Variants in KIAA0319 observed in about 807,000 individuals in gnomAD.
KIAA0319 encodes KIAA0319, also known as dyslexia-associated protein KIAA0319.
Under a neutral mutation model 108.4 loss-of-function variants are expected in KIAA0319, and 83 were observed. The ratio of observed to expected loss-of-function variants is 0.77; its 90% CI spans 0.64 to 0.92. The LOEUF (loss-of-function observed/expected upper bound fraction) is 0.92. Ranked by LOEUF, KIAA0319 falls within the 40% of genes least tolerant of loss-of-function variation. The pLI, the probability that KIAA0319 is intolerant of heterozygous loss-of-function variation, is 0.00. For missense variants in KIAA0319, 1,195 were observed against 1,322.4 expected, an observed-to-expected ratio of 0.90 and a Z score of 1.49; for synonymous variants, 484 against 510.4, an observed-to-expected ratio of 0.95 and a Z score of 0.70.
chr6:24,621,561 CAA>C (rs1424600622), intron 1 of KIAA0319, among the ~76,000 whole-genome samples: 1 of 152,110 alleles, frequency 6.6e-6, no homozygotes, highest in Non-Finnish European at 1.5e-5. Flanking sequence ...CTTTCTAGTT[CAA>C]TATGGCAGAT....
Position 24,601,193 on chromosome 6 carries a change from G to C in KIAA0319, c.-90C>G. 1 of 1,562,998 alleles carries C rather than the reference G, an allele frequency of 6.4e-7. No individual in the cohort carries two copies. The stretch of plus-strand genomic sequence containing the variant: ...TTCCTTTGATGTTTTTTAGGAGCCA[G>C]ATTTGGCCTCAAGAACTTCAAAGGA... On this transcript the variant is annotated 5_prime_UTR_variant, in exon 2 of 21. In the 5' UTR this introduces an upstream ATG that the reference lacks. Transcript: ENST00000378214.
At chr6:24,611,413 C>T (rs568332559) in intron 1 of KIAA0319, among the ~76,000 whole-genome samples, 5 of 152,106 alleles carry the variant, frequency 3.3e-5, no homozygotes, top group Admixed American at 6.5e-5. Flanking sequence ...GGATGAGAAT[C>T]GCCTGAATCC....
chr6:24,599,382 C>A lies in KIAA0319; in HGVS notation c.55+1667G>T. The A allele has an allele frequency of 1.8e-6, 1 of 544,564 alleles. No individual in the cohort carries two copies. Among genetic ancestry groups the A allele is most frequent in the South Asian group, 1.6e-5 (1 of 62,470 alleles). The allele number at this position is 544,564 out of a possible 1,614,324, so 33.7% of individuals were successfully genotyped here. On this transcript the variant is annotated intron_variant, in intron 2 of 20. Coordinates refer to ENST00000378214, the MANE Select transcript of KIAA0319 (RefSeq NM_014809.4). This position sits in a 1 kb window ranked among gnomAD's most constrained non-coding sequence, Gnocchi z 4.1. ...TGTGGATGCGGAGAAGCGTGGGGAGCTGGCCATTAAGGATGCCAATGCCAA... is the reference window on the plus strand; with the variant it reads ...TGTGGATGCGGAGAAGCGTGGGGAGATGGCCATTAAGGATGCCAATGCCAA...
At chr6:24,594,823 T>C (rs926344371) in intron 3 of KIAA0319, among the ~76,000 whole-genome samples, 2 of 152,284 alleles carry the variant, frequency 1.3e-5, no homozygotes, top group Admixed American at 1.3e-4. Flanking sequence ...GCTTTTTTTT[T>C]ACTTTATTTC....
At chr6:24,625,121 GT>G (rs960261544) in intron 1 of KIAA0319, among the ~76,000 whole-genome samples, 1 of 151,954 alleles carries the variant, frequency 6.6e-6, no homozygotes, top group Admixed American at 6.6e-5. Flanking sequence ...CATAACTTCT[GT>G]TTTTTTTATT....
chr6:24,624,441 A>T (rs191200781), intron 1 of KIAA0319, among the ~76,000 whole-genome samples: 56 of 152,286 alleles, frequency 3.7e-4, no homozygotes, highest in African/African-American at 1.3e-3. Context: ...GCATACAAAT[A>T]AAAATTTTTT....
chr6:24,569,703 T>C (rs1764401358), intron 12 of KIAA0319, among the ~76,000 whole-genome samples, 200 bp downstream of exon 12: 1 of 152,170 alleles, frequency 6.6e-6, no homozygotes, highest in Non-Finnish European at 1.5e-5. Context: ...CCCCAAGCTC[T>C]ACCTCCCTCC....
At chr6:24,629,407 T>A (rs1775190677) in intron 1 of KIAA0319, among the ~76,000 whole-genome samples, 1 of 148,612 alleles carries the variant, frequency 6.7e-6, no homozygotes, top group Non-Finnish European at 1.5e-5. Flanking sequence ...CCCAGCTACT[T>A]GGGAGGCTGA....
rs1365512976 is a variant in KIAA0319 at position 24,589,834 on chromosome 6, G to T, written c.802-1049C>A. On this transcript the variant is annotated intron_variant, in intron 3 of 20. Coordinates refer to ENST00000378214, the MANE Select transcript of KIAA0319 (RefSeq NM_014809.4). ...ATTCAATAGTAAACAGGCTTCTAGA[G>T]TAAGTCATCTTTATTCATTTTATCC... Among the ~76,000 whole-genome samples, 4 of 151,496 alleles carry T rather than the reference G, an allele frequency of 2.6e-5. No individual in the cohort carries two copies. The South Asian group carries it at 6.3e-4, about 24-fold the overall frequency.
At chr6:24,574,532 T>G (rs1044242102) in intron 10 of KIAA0319, among the ~76,000 whole-genome samples, 2 of 152,230 alleles carry the variant, frequency 1.3e-5, no homozygotes, top group Non-Finnish European at 2.9e-5. Flanking sequence ...CTACACTTGG[T>G]GACCTCAGGT....
At chr6:24,626,729 C>T (rs1457040998) in intron 1 of KIAA0319, among the ~76,000 whole-genome samples, 1 of 152,234 alleles carries the variant, frequency 6.6e-6, no homozygotes, top group South Asian at 2.1e-4. Flanking sequence ...GAGGATATAG[C>T]AGTGAATAAA....
chr6:24,617,890 G>A lies in KIAA0319; in HGVS notation c.-105-16682C>T, dbSNP rs904852813. Among the ~76,000 whole-genome samples, 10 of 152,182 alleles carry A rather than the reference G, an allele frequency of 6.6e-5. No individual in the cohort carries two copies. The East Asian group carries it at 1.3e-3, about 21-fold the overall frequency. ...TAATCTCAGCTACTTGGATGGCTGA[G>A]GCAGGAGAATCTCTTGAACCCAGGA... On this transcript the variant is annotated intron_variant, in intron 1 of 20. Coordinates refer to ENST00000378214, the MANE Select transcript of KIAA0319 (RefSeq NM_014809.4).
intron 10 of KIAA0319, among the ~76,000 whole-genome samples, chr6:24,573,800 T>C (rs1244145296): frequency 6.6e-6 from 1 of 152,196 alleles, no homozygotes; most frequent in Non-Finnish European, 1.5e-5. Flanking sequence ...AAGAGGCAAT[T>C]CATGTATTAG....
chr6:24,640,717 A>G (rs1436156996), intron 1 of KIAA0319, among the ~76,000 whole-genome samples: 1 of 152,094 alleles, frequency 6.6e-6, no homozygotes, highest in Non-Finnish European at 1.5e-5. Context: ...CAGTGGTGCA[A>G]TCATGGTTCA....
At chr6:24,569,560 C>T (rs949366786) in intron 12 of KIAA0319, among the ~76,000 whole-genome samples, 5 of 152,172 alleles carry the variant, frequency 3.3e-5, no homozygotes, top group African/African-American at 7.2e-5. Flanking sequence ...TGATATGGGT[C>T]GCCCCTTACA....
intron 1 of KIAA0319, among the ~76,000 whole-genome samples, chr6:24,644,411 G>A (rs1221072089): frequency 1.3e-5 from 2 of 152,050 alleles, no homozygotes; most frequent in African/African-American, 4.8e-5. Context: ...TCTTTATTTA[G>A]AAGTTTGGTG....
rs1174096766 is a variant in KIAA0319, at chr6:24,642,714, T to C, written c.-106+3022A>G. ...ATTAAATAGATGCTTACTATAATCC[T>C]TTGCTGCATTTTTTTTTTTTTTGAA... On this transcript the variant is annotated intron_variant, in intron 1 of 20. Coordinates refer to ENST00000378214, the MANE Select transcript of KIAA0319 (RefSeq NM_014809.4). 7.1e-5 allele frequency among the ~76,000 whole-genome samples: 8 copies of C among 112,480 alleles called. No individual in the cohort carries two copies. In the South Asian group the frequency reaches 2.4e-3, roughly 34 times the overall value. The allele number at this position is 112,480 out of a possible 152,430, so 73.8% of individuals were successfully genotyped here.
chr6:24,541,159 A>G (rs538011192), downstream of KIAA0319, among the ~76,000 whole-genome samples: 1 of 152,216 alleles, frequency 6.6e-6, no homozygotes, highest in Non-Finnish European at 1.5e-5. Flanking sequence ...AAAAGGATAC[A>G]TAATTGAATA....
intron 20 of KIAA0319, among the ~76,000 whole-genome samples, chr6:24,549,233 T>C (rs1180971905): frequency 6.8e-6 from 1 of 148,024 alleles, no homozygotes; most frequent in African/African-American, 2.5e-5. Context: ...GGCTAAGGCA[T>C]GAGAATTGCT....
Sources: allele counts gnomAD v4.1 joint callset (sites outside exome capture counted in the v4.1 genomes callset), GRCh38; gene constraint gnomAD v4.1.1; non-coding constraint Gnocchi (gnomAD v3.1); transcripts MANE v1.5; gene names NCBI Gene and HGNC (gene_info 2026-07-23, HGNC 2026-07-21).